Variants in PIGU observed in about 807,000 individuals in gnomAD.
PIGU encodes the protein GPI-anchor transamidase component PIGU.
PIGU carries 24 observed loss-of-function variants against 49.9 expected under a neutral mutation model. The ratio of observed to expected loss-of-function variants is 0.48; its 90% CI spans 0.35 to 0.68. The LOEUF (loss-of-function observed/expected upper bound fraction) is 0.68, where lower values mean the gene tolerates loss of function less well. Ranked by LOEUF, PIGU falls within the 30% of genes least tolerant of loss-of-function variation. The probability of loss-of-function intolerance (pLI) is 0.01; values close to 1 mark genes in which losing one functional copy is unlikely to be tolerated. For missense variants in PIGU, 490 were observed against 532.6 expected (o/e 0.92, Z 0.79); for synonymous variants, 220 against 205.7 (o/e 1.07, Z -0.59).
rs913955003 is a variant in PIGU at position 34,560,682 on chromosome 20, G to A, written c.*184C>T. On this transcript the variant is annotated 3_prime_UTR_variant, in exon 12 of 12. Coordinates refer to ENST00000217446, the MANE Select transcript of PIGU (RefSeq NM_080476.5). ...GGGGGTCCAAGTTGGGGAGCTCCCA[G>A]TTCTTCCCCATAGGCCTTGCTGTCA... is the stretch of plus-strand genomic sequence containing the variant. The A allele has an allele frequency of 1.0e-4, 48 of 466,798 alleles. No individual in the cohort carries two copies. The highest frequency in any genetic ancestry group is 7.9e-5 in the Non-Finnish European group (21 of 266,496). The allele number at this position is 466,798 out of a possible 1,614,324, so 28.9% of individuals were successfully genotyped here.
chr20:34,619,598 C>T (rs924777295), intron 6 of PIGU, among the ~76,000 whole-genome samples: 2 of 152,214 alleles, frequency 1.3e-5, no homozygotes, highest in Non-Finnish European at 2.9e-5. Flanking sequence ...TGAAAACAAA[C>T]ACATGACTTT....
At chr20:34,616,718 T>C (rs1175984089) in intron 6 of PIGU, among the ~76,000 whole-genome samples, 1 of 152,148 alleles carries the variant, frequency 6.6e-6, no homozygotes, top group African/African-American at 2.4e-5. Flanking sequence ...GAATTTGCAA[T>C]GACTTAGAAA....
intron 6 of PIGU, among the ~76,000 whole-genome samples, chr20:34,625,866 T>C (rs1243499385): frequency 1.3e-5 from 2 of 150,994 alleles, no homozygotes; most frequent in African/African-American, 2.4e-5. Context: ...GCTATGACTG[T>C]GCCACTGCAC....
chr20:34,580,288 G>A (rs1983404420), intron 10 of PIGU, among the ~76,000 whole-genome samples: 2 of 152,242 alleles, frequency 1.3e-5, no homozygotes. Flanking sequence ...TGGACTGGGT[G>A]ACTCTTGTCT....
chr20:34,668,519 C>T (rs1987189476), intron 1 of PIGU, among the ~76,000 whole-genome samples: 1 of 144,070 alleles, frequency 6.9e-6, no homozygotes, highest in African/African-American at 2.6e-5. Context: ...ACCCGTAATC[C>T]CAGCACTTTG....
intron 8 of PIGU, 79 bp from the exon 9 acceptor site, chr20:34,585,659 A>AC (rs1236264012): frequency 6.6e-7 from 1 of 1,514,888 alleles, no homozygotes; most frequent in Non-Finnish European, 9.0e-7. Context: ...TCTCCTGAAG[A>AC]CTTTGGTCAC....
chr20:34,658,971 C>T (rs1478457175), intron 1 of PIGU, among the ~76,000 whole-genome samples: 2 of 148,958 alleles, frequency 1.3e-5, no homozygotes, highest in Admixed American at 6.6e-5. Context: ...CCCCGCCCAG[C>T]CAGCCGCCCC....
chr20:34,656,517 C>T (rs71337956), intron 2 of PIGU, among the ~76,000 whole-genome samples: 1 of 151,558 alleles, frequency 6.6e-6, no homozygotes, highest in South Asian at 2.1e-4. Flanking sequence ...TTCCTGACCT[C>T]GTGATCCGCC....
chr20:34,676,528 C>G (rs970224550), intron 1 of PIGU, among the ~76,000 whole-genome samples: 1 of 152,256 alleles, frequency 6.6e-6, no homozygotes, highest in Non-Finnish European at 1.5e-5. Context: ...AAAATTGGTC[C>G]CCTCATCCCG....
At chr20:34,624,793 A>G (rs1448307272) in intron 6 of PIGU, among the ~76,000 whole-genome samples, 1 of 152,192 alleles carries the variant, frequency 6.6e-6, no homozygotes. Flanking sequence ...TCCCCAGCCA[A>G]CACTACAATA....
At chr20:34,665,577 T>C (rs1018907727) in intron 1 of PIGU, among the ~76,000 whole-genome samples, 15 of 151,784 alleles carry the variant, frequency 9.9e-5, no homozygotes, top group Non-Finnish European at 2.2e-4. Context: ...CCTGACTTCA[T>C]GATCTGCCCG....
chr20:34,585,341 G>A, intron 9 of PIGU, 96 bp downstream of exon 9: 8 of 1,401,262 alleles, frequency 5.7e-6, no homozygotes, highest in Non-Finnish European at 7.8e-6. Context: ...CCTGACAGCA[G>A]GTGCTCCACA....
At chr20:34,648,873 G>C (rs541610351) in intron 2 of PIGU, among the ~76,000 whole-genome samples, 1 of 151,964 alleles carries the variant, frequency 6.6e-6, no homozygotes, top group African/African-American at 2.4e-5. Flanking sequence ...TTGATTGACT[G>C]ATTGACTGAT....
Position 34,637,987 on chromosome 20 carries a change from T to TAA in PIGU, c.319-3_319-2insTT. The stretch of plus-strand genomic sequence containing the variant: ...TAGGAGGAGTTTCTGCTTTTTAAAC[T>TAA]AGAAAAAAAAAAAAAAGGAAAAGAT... On this transcript the variant is annotated splice_region_variant and splice_polypyrimidine_tract_variant and intron_variant, in intron 4 of 11. Coordinates refer to ENST00000217446, the MANE Select transcript of PIGU (RefSeq NM_080476.5). The TAA allele has an allele frequency of 5.3e-6, 8 of 1,507,478 alleles. No individual in the cohort carries two copies. Among genetic ancestry groups the TAA allele is most frequent in the East Asian group, 4.9e-5 (2 of 40,520 alleles). The allele number at this position is 1,507,478 out of a possible 1,614,324, so 93.4% of individuals were successfully genotyped here. A position where few individuals can be genotyped will look rare whatever the true frequency, so the allele number is the denominator to read the frequency against.
intron 2 of PIGU, among the ~76,000 whole-genome samples, chr20:34,648,613 A>G (rs1436397156): frequency 2.0e-5 from 3 of 152,116 alleles, no homozygotes; most frequent in Non-Finnish European, 4.4e-5. Flanking sequence ...CAGTGGCACG[A>G]TCATGACTCA....
chr20:34,616,204 C>A, intron 6 of PIGU, 65 bp from the exon 7 acceptor site: 1 of 1,545,828 alleles, frequency 6.5e-7, no homozygotes, highest in South Asian at 1.2e-5. Context: ...CTCAGCAAGT[C>A]CCTCTCAACA....
chr20:34,665,718 C>T (rs1205659589), intron 1 of PIGU, among the ~76,000 whole-genome samples: 1 of 151,950 alleles, frequency 6.6e-6, no homozygotes, highest in Non-Finnish European at 1.5e-5. Context: ...TTGGTGCACA[C>T]GATTAAAAAC....
chr20:34,615,829 C>T (rs1568640790), intron 7 of PIGU, among the ~76,000 whole-genome samples: 1 of 152,186 alleles, frequency 6.6e-6, no homozygotes, highest in African/African-American at 2.4e-5. Flanking sequence ...AACATATCCC[C>T]TGCAGACATG....
intron 4 of PIGU, among the ~76,000 whole-genome samples, chr20:34,639,576 C>T (rs928715760): frequency 4.6e-5 from 7 of 151,518 alleles, no homozygotes; most frequent in African/African-American, 1.7e-4. Context: ...TTTTTTTCAG[C>T]CCGAAAATAG....
Sources: allele counts gnomAD v4.1 joint callset (sites outside exome capture counted in the v4.1 genomes callset), GRCh38; gene constraint gnomAD v4.1.1; transcripts MANE v1.5; gene names NCBI Gene and HGNC (gene_info 2026-07-23, HGNC 2026-07-21).